The following SGK3 variants were observed in gnomAD, a reference collection of about 807,000 sequenced individuals.
The protein encoded by SGK3 is serum/glucocorticoid regulated kinase family member 3.
Under a neutral mutation model 68.5 loss-of-function variants are expected in SGK3, and 47 were observed. The ratio of observed to expected loss-of-function variants is 0.69; its 90% CI spans 0.54 to 0.87. The LOEUF (loss-of-function observed/expected upper bound fraction) is 0.87, where lower values mean the gene tolerates loss of function less well. SGK3 is among the 40% of genes least tolerant of loss of function. The pLI is 0.00. For missense variants in SGK3, 479 were observed against 575.5 expected (o/e 0.83, Z 1.72); for synonymous variants, 181 against 189.1 (o/e 0.96, Z 0.35).
At chr8:66,786,779 C>G (rs1476740307) in intron 1 of SGK3, among the ~76,000 whole-genome samples, 1 of 152,120 alleles carries the variant, frequency 6.6e-6, no homozygotes, top group Non-Finnish European at 1.5e-5. Context: ...TTATTTTTAG[C>G]TAAGCTGTAC....
rs1341124789 is a variant in SGK3 at position 66,861,984 on chromosome 8, C to T, written c.*2403C>T. ...GATGTTTCTCAGATCACAAGAAATA[C>T]AAATCTATATAGTATAATAAAATCA... On this transcript the variant is annotated 3_prime_UTR_variant, in exon 17 of 17. Coordinates refer to ENST00000521198, the MANE Select transcript of SGK3 (RefSeq NM_001033578.3). 6.6e-6 allele frequency: 1 copy of T among 151,852 alleles called. No individual in the cohort carries two copies. Among genetic ancestry groups the T allele is most frequent in the Non-Finnish European group, 1.5e-5 (1 of 67,960 alleles). The allele number at this position is 151,852 out of a possible 1,614,324, so 9.4% of individuals were successfully genotyped here.
chr8:66,806,006 T>C (rs1338118527), intron 4 of SGK3, among the ~76,000 whole-genome samples: 1 of 152,220 alleles, frequency 6.6e-6, no homozygotes, highest in African/African-American at 2.4e-5. Context: ...GACTGCTCTT[T>C]ATCCTGCACC....
intron 4 of SGK3, among the ~76,000 whole-genome samples, chr8:66,806,738 A>G (rs1424992074): frequency 1.3e-5 from 2 of 150,692 alleles, no homozygotes; most frequent in African/African-American, 4.9e-5. Context: ...ACTTGAATCC[A>G]GGAGTCGGAG....
chr8:66,803,739 C>T (rs1174085228), intron 3 of SGK3, among the ~76,000 whole-genome samples: 2 of 151,854 alleles, frequency 1.3e-5, no homozygotes, highest in African/African-American at 4.8e-5. Flanking sequence ...TCCCTGCAGC[C>T]CCAACCTTCC....
chr8:66,742,695 G>A (rs1417831783), intron 1 of SGK3, among the ~76,000 whole-genome samples: 3 of 152,082 alleles, frequency 2.0e-5, no homozygotes, highest in Non-Finnish European at 4.4e-5. Context: ...TAATTTTTAT[G>A]CATATAAAAT....
chr8:66,795,626 A>G (rs1162177616), intron 2 of SGK3, among the ~76,000 whole-genome samples: 2 of 152,010 alleles, frequency 1.3e-5, no homozygotes, highest in African/African-American at 4.8e-5. Context: ...GCTGGAGGTT[A>G]TTTCCATGTC....
chr8:66,727,989 G>A (rs955314227), intron 1 of SGK3, among the ~76,000 whole-genome samples: 3 of 152,192 alleles, frequency 2.0e-5, no homozygotes, highest in Non-Finnish European at 2.9e-5. Flanking sequence ...AAAAATAACA[G>A]CTTTATTGAG....
At chr8:66,788,854 A>G (rs1311737425) in intron 1 of SGK3, among the ~76,000 whole-genome samples, 3 of 152,040 alleles carry the variant, frequency 2.0e-5, no homozygotes, top group Non-Finnish European at 2.9e-5. Flanking sequence ...GGTGCTTGCT[A>G]GTTTTTGTTC....
chr8:66,792,640 A>G (rs1754700411), intron 1 of SGK3, among the ~76,000 whole-genome samples: 1 of 152,152 alleles, frequency 6.6e-6, no homozygotes, highest in Admixed American at 6.6e-5. Context: ...GCACTTTGGG[A>G]GATCAAGTTG....
chr8:66,769,628 G>A (rs1806441968), intron 1 of SGK3, among the ~76,000 whole-genome samples: 1 of 152,140 alleles, frequency 6.6e-6, no homozygotes, highest in South Asian at 2.1e-4. Flanking sequence ...CCTATCTGGT[G>A]TATTTTCCAC....
At chr8:66,849,143 C>T (rs1810160158) in intron 15 of SGK3, among the ~76,000 whole-genome samples, 1 of 152,130 alleles carries the variant, frequency 6.6e-6, no homozygotes, top group South Asian at 2.1e-4. Flanking sequence ...TCAATTGGTC[C>T]CATGGCTTTA....
chr8:66,824,819 C>T (rs967918676), intron 6 of SGK3, among the ~76,000 whole-genome samples: 3 of 152,116 alleles, frequency 2.0e-5, no homozygotes, highest in African/African-American at 7.2e-5. Context: ...TATGCATATT[C>T]ACACAGTATG....
chr8:66,852,586 CTTTTTTAATAAAT>C (rs1810340415), intron 16 of SGK3, among the ~76,000 whole-genome samples: 1 of 152,026 alleles, frequency 6.6e-6, no homozygotes, highest in Non-Finnish European at 1.5e-5. Flanking sequence ...GCCAGGAATA[CTTTTTTAATAAAT>C]TAGAGCAGAT....
In SGK3 at chr8:66,822,371, G is replaced by T. The variant is rs1249992526; in HGVS notation, c.330-1G>T. Reference sequence around the variant, plus strand: ...ATAATAAAGTTAATTTTTGTTTTTAGTCCAGATGTCAGAGCATTCCTTCAA... The same window carrying T: ...ATAATAAAGTTAATTTTTGTTTTTATTCCAGATGTCAGAGCATTCCTTCAA... On this transcript the variant is annotated splice_acceptor_variant, in intron 5 of 16. Transcript: ENST00000521198. LOFTEE classifies it high-confidence loss of function. 3 of 1,602,030 alleles carry T rather than the reference G, an allele frequency of 1.9e-6. No homozygotes were observed. The highest frequency in any genetic ancestry group is 4.5e-5 in the East Asian group (2 of 44,460).
intron 1 of SGK3, among the ~76,000 whole-genome samples, chr8:66,744,064 T>C (rs888066439): frequency 2.6e-5 from 4 of 152,222 alleles, no homozygotes; most frequent in African/African-American, 4.8e-5. Context: ...ATTCTGTACT[T>C]GTGGTAGATC....
intron 4 of SGK3, among the ~76,000 whole-genome samples, 183 bp downstream of exon 4, chr8:66,804,630 A>C (rs1011818688): frequency 2.0e-5 from 3 of 152,176 alleles, no homozygotes; most frequent in Non-Finnish European, 2.9e-5. Context: ...CATGTGTTTT[A>C]ATTCATTCGA....
intron 3 of SGK3, among the ~76,000 whole-genome samples, chr8:66,799,716 T>C (rs1807852566): frequency 6.6e-6 from 1 of 152,154 alleles, no homozygotes; most frequent in Non-Finnish European, 1.5e-5. Flanking sequence ...CTGCCTCCCA[T>C]GTTCAAGTGA....
intron 1 of SGK3, among the ~76,000 whole-genome samples, chr8:66,744,517 ATATTTTTTTTTTT>A (rs1805584653): frequency 5.9e-5 from 1 of 16,836 alleles, no homozygotes; most frequent in Non-Finnish European, 9.0e-5. Context: ...ATATATATAT[ATATTTTTTTTTTT>A]TTTTTTTTTT....
At chr8:66,771,788 A>G (rs1806519596) in intron 1 of SGK3, among the ~76,000 whole-genome samples, 1 of 152,166 alleles carries the variant, frequency 6.6e-6, no homozygotes, top group African/African-American at 2.4e-5. Flanking sequence ...AGCATTTACT[A>G]TGGGTATACC....
Sources: gnomAD v4.1 joint callset for allele counts (sites outside exome capture counted in the v4.1 genomes callset) on GRCh38, gnomAD v4.1.1 for gene constraint, MANE v1.5 for transcripts, NCBI Gene and HGNC (gene_info 2026-07-23, HGNC 2026-07-21) for gene names.